RBMS3: variants seen among roughly 807,000 people sequenced by gnomAD.
RBMS3 encodes RNA binding motif single stranded interacting protein 3, also known as RNA-binding motif, single-stranded-interacting protein 3.
A neutral mutation model predicts 66.8 loss-of-function variants in RBMS3; 27 were observed. The ratio of observed to expected loss-of-function variants is 0.40; its 90% CI spans 0.30 to 0.56. RBMS3 has a LOEUF of 0.56. Among genes scored for constraint, RBMS3 ranks in the 20% least tolerant of loss-of-function variants. RBMS3 has a pLI of 0.40. For synonymous variants in RBMS3, 188 were observed against 183.0 expected (o/e 1.03, Z -0.22); for missense variants, 513 against 549.5 (o/e 0.93, Z 0.66).
At chr3:29,332,600 A>G (rs1160326617) in intron 1 of RBMS3, among the ~76,000 whole-genome samples, 1 of 152,160 alleles carries the variant, frequency 6.6e-6, no homozygotes, top group Non-Finnish European at 1.5e-5. Context: ...TGTGGTGTCA[A>G]TGCCTCCTTC....
chr3:29,542,114 C>T (rs1447369463), intron 3 of RBMS3, among the ~76,000 whole-genome samples: 1 of 152,080 alleles, frequency 6.6e-6, no homozygotes, highest in Non-Finnish European at 1.5e-5. Context: ...TGCAACAGAC[C>T]CTGTATGTCC....
chr3:29,423,052 C>G (rs896955223), intron 1 of RBMS3, among the ~76,000 whole-genome samples: 1 of 152,054 alleles, frequency 6.6e-6, no homozygotes, highest in Non-Finnish European at 1.5e-5. Flanking sequence ...TGTAAGAAAA[C>G]CTTCTCCTTT....
intron 6 of RBMS3, among the ~76,000 whole-genome samples, chr3:29,807,830 G>C (rs2057606200): frequency 6.6e-6 from 1 of 151,226 alleles, no homozygotes; most frequent in South Asian, 2.1e-4. Flanking sequence ...ACTATATTTG[G>C]GCAATGGAAA....
At chr3:29,812,895 A>C (rs749571093) in intron 6 of RBMS3, among the ~76,000 whole-genome samples, 17 of 152,222 alleles carry the variant, frequency 1.1e-4, no homozygotes, top group Non-Finnish European at 1.8e-4. Context: ...TTTTCAGCTT[A>C]CTAATCATAT....
chr3:29,722,387 T>A (rs2053677714), intron 4 of RBMS3, among the ~76,000 whole-genome samples: 1 of 152,144 alleles, frequency 6.6e-6, no homozygotes, highest in African/African-American at 2.4e-5. Context: ...CTCGTATCCA[T>A]AAAGAGTTTA....
chr3:29,685,277 G>T (rs1242288478), intron 4 of RBMS3, among the ~76,000 whole-genome samples: 5 of 152,102 alleles, frequency 3.3e-5, no homozygotes, highest in African/African-American at 1.2e-4. Flanking sequence ...TAGCCAGGAT[G>T]GTCTCCATCT....
At chr3:29,428,958 C>T (rs934394944) in intron 1 of RBMS3, among the ~76,000 whole-genome samples, 1 of 152,174 alleles carries the variant, frequency 6.6e-6, no homozygotes, top group Non-Finnish European at 1.5e-5. Context: ...CATCATCATT[C>T]TTTCCCTCCT....
intron 4 of RBMS3, among the ~76,000 whole-genome samples, chr3:29,648,487 G>A (rs938364593): frequency 6.6e-6 from 1 of 151,532 alleles, no homozygotes; most frequent in Non-Finnish European, 1.5e-5. Flanking sequence ...TGCCCAGGCT[G>A]GTCTTGAACT....
intron 3 of RBMS3, among the ~76,000 whole-genome samples, chr3:29,561,432 T>TTTG (rs372349286): frequency 0.094 from 14,048 of 148,988 alleles, 1,075 homozygotes; most frequent in East Asian, 0.28. Context: ...ATCTGTTGTT[T>TTTG]TTGTTGTTGT....
chr3:29,802,633 C>A (rs921676555), intron 6 of RBMS3, among the ~76,000 whole-genome samples: 20 of 152,180 alleles, frequency 1.3e-4, no homozygotes, highest in African/African-American at 4.8e-4. Flanking sequence ...TATGCCCACT[C>A]AATTTGTTTA....
intron 4 of RBMS3, among the ~76,000 whole-genome samples, chr3:29,621,281 A>G (rs34694689): frequency 0.095 from 14,442 of 152,114 alleles, 746 homozygotes; most frequent in African/African-American, 0.13. Context: ...CAGAACTTTA[A>G]ACTCTTATGC....
At chr3:29,477,019 G>A (rs570832623) in intron 2 of RBMS3, among the ~76,000 whole-genome samples, 26 of 152,240 alleles carry the variant, frequency 1.7e-4, no homozygotes, top group South Asian at 1.2e-3. Flanking sequence ...TCAAAACTGC[G>A]TATCTATTAA....
intron 4 of RBMS3, among the ~76,000 whole-genome samples, chr3:29,712,959 A>AT (rs201741210): frequency 0.015 from 2,265 of 152,062 alleles, 51 homozygotes; most frequent in African/African-American, 0.047. Context: ...AATAAATCCC[A>AT]TTTCTTTTTC....
At chr3:29,898,731 A>ATGTGTGTGTGTGTGTGTGTGTG (rs1265286069) in intron 9 of RBMS3, among the ~76,000 whole-genome samples, 2 of 112,318 alleles carry the variant, frequency 1.8e-5, no homozygotes, top group African/African-American at 8.4e-5. Flanking sequence ...CCTGGTTGTA[A>ATGTGTGTGTGTGTGTGTGTGTG]TGTGCGTGTG....
chr3:29,635,094 G>A (rs2049426536), intron 4 of RBMS3, among the ~76,000 whole-genome samples: 1 of 151,866 alleles, frequency 6.6e-6, no homozygotes, highest in South Asian at 2.1e-4. Flanking sequence ...TAAAACTTCA[G>A]AGGTTTCTGC....
chr3:29,664,978 T>G (rs568018158), intron 4 of RBMS3, among the ~76,000 whole-genome samples: 15 of 152,058 alleles, frequency 9.9e-5, no homozygotes, highest in Non-Finnish European at 2.9e-5. Flanking sequence ...AAAAGAATAT[T>G]TAAAGCCCAA....
intron 6 of RBMS3, among the ~76,000 whole-genome samples, chr3:29,788,639 A>C (rs2056905424): frequency 6.6e-6 from 1 of 152,198 alleles, no homozygotes; most frequent in African/African-American, 2.4e-5. Flanking sequence ...ACGTTTCCTT[A>C]CTTACAGAGA....
intron 5 of RBMS3, among the ~76,000 whole-genome samples, chr3:29,744,473 T>G (rs973875119): frequency 6.6e-6 from 1 of 152,158 alleles, no homozygotes; most frequent in African/African-American, 2.4e-5. Flanking sequence ...GAGTTTACAG[T>G]TCCACAGGCA....
chr3:29,773,661 A>G (rs766008117), intron 6 of RBMS3, among the ~76,000 whole-genome samples: 5 of 152,124 alleles, frequency 3.3e-5, no homozygotes, highest in Non-Finnish European at 5.9e-5. Context: ...CAGCACCTGC[A>G]TCTCTTTCAT....
Sources: allele counts gnomAD v4.1 joint callset (sites outside exome capture counted in the v4.1 genomes callset), GRCh38; gene constraint gnomAD v4.1.1; transcripts MANE v1.5; gene names NCBI Gene and HGNC (gene_info 2026-07-23, HGNC 2026-07-21).